The following CAMK2G variants were observed in gnomAD, a reference collection of about 807,000 sequenced individuals.
The protein encoded by CAMK2G is calcium/calmodulin-dependent protein kinase type II subunit gamma.
CAMK2G carries 23 observed loss-of-function variants against 88.7 expected under a neutral mutation model. The ratio of observed to expected loss-of-function variants is 0.26; its 90% CI spans 0.19 to 0.37. The LOEUF (loss-of-function observed/expected upper bound fraction) is 0.37, where lower values mean the gene tolerates loss of function less well. Ranked by LOEUF, CAMK2G falls within the 10% of genes least tolerant of loss-of-function variation. The pLI is 1.00. For missense variants in CAMK2G, 476 were observed against 780.8 expected (o/e 0.61, Z 4.65); for synonymous variants, 263 against 294.8 (o/e 0.89, Z 1.11).
rs772165449 is a variant in CAMK2G at position 73,839,504 on chromosome 10, G to T, written c.1009+35C>A. On this transcript the variant is annotated intron_variant, in intron 13 of 22. Coordinates refer to ENST00000423381, the MANE Select transcript of CAMK2G (RefSeq NM_001367534.1). This position sits in a 1 kb window ranked among gnomAD's most constrained non-coding sequence, Gnocchi z 4.2. The stretch of plus-strand genomic sequence containing the variant: ...CCTCCTGGTGGGGTGGCAGGGGGCC[G>T]AGGCAGGCGGTCGGGGAGGACTCAT... 1 of 1,209,130 alleles carries T rather than the reference G, an allele frequency of 8.3e-7. No homozygotes were observed. The highest frequency in any genetic ancestry group is 3.2e-5 in the East Asian group (1 of 31,544). The allele number at this position is 1,209,130 out of a possible 1,614,324, so 74.9% of individuals were successfully genotyped here. A position where few individuals can be genotyped will look rare whatever the true frequency, so the allele number is the denominator to read the frequency against.
rs911948942 is a variant in CAMK2G at position 73,873,199 on chromosome 10, A to G, written c.66-116T>C. ...ACCAGACCTCTAGTCACACTCACGT[A>G]CATGCACACACACCGGCGCTGTGAC... On this transcript the variant is annotated intron_variant, in intron 1 of 22. Coordinates refer to ENST00000423381, the MANE Select transcript of CAMK2G (RefSeq NM_001367534.1). 16 of 950,818 alleles carry G rather than the reference A, an allele frequency of 1.7e-5. No individual in the cohort carries two copies. In the East Asian group the frequency reaches 3.8e-4, roughly 23 times the overall value. The allele number at this position is 950,818 out of a possible 1,614,324, so 58.9% of individuals were successfully genotyped here. A position where few individuals can be genotyped will look rare whatever the true frequency, so the allele number is the denominator to read the frequency against.
intron 3 of CAMK2G, among the ~76,000 whole-genome samples, chr10:73,854,842 G>A (rs944933742): frequency 3.3e-5 from 5 of 152,020 alleles, no homozygotes; most frequent in Non-Finnish European, 5.9e-5. Flanking sequence ...TGCCAGGGCC[G>A]GAGCCAGGGC....
rs1379784269 is a variant in CAMK2G, at chr10:73,820,490, ATATTTTTTT to A, written c.1250-854_1250-846del. Among the ~76,000 whole-genome samples the A allele has an allele frequency of 2.7e-3, 141 of 53,154 alleles. 1 individual carries two copies. The highest frequency in any genetic ancestry group is 0.016 in the African/African-American group (123 of 7,928). 34.9% of individuals were successfully genotyped at this position (53,154 alleles called of 152,430 possible). A position where few individuals can be genotyped will look rare whatever the true frequency, so the allele number is the denominator to read the frequency against. ...TATATATATATATATATATATATAT[ATATTTTTTT>A]TTTTTTTTTTTTCTTGAGACAGAGT... On this transcript the variant is annotated intron_variant, in intron 18 of 22. Coordinates refer to ENST00000423381, the MANE Select transcript of CAMK2G (RefSeq NM_001367534.1).
rs531294206 is a variant in CAMK2G, at chr10:73,819,444, T to C, written c.1363+88A>G. The C allele has an allele frequency of 1.1e-4, 102 of 889,576 alleles. No individual in the cohort carries two copies. In the South Asian group the frequency reaches 1.4e-3, roughly 12 times the overall value. 55.1% of individuals were successfully genotyped at this position (889,576 alleles called of 1,614,324 possible). A position where few individuals can be genotyped will look rare whatever the true frequency, so the allele number is the denominator to read the frequency against. On this transcript the variant is annotated intron_variant, in intron 19 of 22. Coordinates refer to ENST00000423381, the MANE Select transcript of CAMK2G (RefSeq NM_001367534.1). ...GAGCTTACTACCACGGGCAGGTGGG[T>C]GGGACTGACAGCTGTGGTGGGGGTC...
intron 19 of CAMK2G, 176 bp from the exon 20 acceptor site, chr10:73,817,730 T>C: frequency 1.6e-6 from 1 of 606,506 alleles, no homozygotes; most frequent in African/African-American, 1.8e-5. Flanking sequence ...TCTCCCTCTC[T>C]GCAGTCTGCA....
chr10:73,842,595 C>T lies in CAMK2G; in HGVS notation c.820-54G>A. 1 of 1,298,166 alleles carries T rather than the reference C, an allele frequency of 7.7e-7. No homozygotes were observed. 80.4% of individuals were successfully genotyped at this position (1,298,166 alleles called of 1,614,324 possible). ...CCCAGCCCAGATCCTCTGCGCCTCCCACAGTCCTGGCACCGATACCATGCC... is the reference window on the plus strand; with the variant it reads ...CCCAGCCCAGATCCTCTGCGCCTCCTACAGTCCTGGCACCGATACCATGCC... On this transcript the variant is annotated intron_variant, in intron 10 of 22. Coordinates refer to ENST00000423381, the MANE Select transcript of CAMK2G (RefSeq NM_001367534.1). This position sits in a 1 kb window ranked among gnomAD's most constrained non-coding sequence, Gnocchi z 4.6.
intron 3 of CAMK2G, among the ~76,000 whole-genome samples, chr10:73,854,431 G>A (rs531758353): frequency 3.9e-5 from 6 of 152,292 alleles, no homozygotes; most frequent in South Asian, 2.1e-4. Flanking sequence ...ATGCAGAAAC[G>A]ACTCCGCTTT....
At chr10:73,873,706 C>G (rs1381191580) in intron 1 of CAMK2G, among the ~76,000 whole-genome samples, 2 of 124,496 alleles carry the variant, frequency 1.6e-5, no homozygotes, top group African/African-American at 6.1e-5. Context: ...AGCTCGCACT[C>G]TGAGCTCTGG....
At chr10:73,851,740 ATTTT>A (rs530803443) in intron 5 of CAMK2G, among the ~76,000 whole-genome samples, 2 of 63,124 alleles carry the variant, frequency 3.2e-5, no homozygotes, top group Non-Finnish European at 5.8e-5. Context: ...TTTGGAAGTG[ATTTT>A]TTTTGTGGGG....
Position 73,874,486 on chromosome 10 carries a change from G to C in CAMK2G, c.-25C>G, listed in dbSNP as rs951882266. On this transcript the variant is annotated 5_prime_UTR_variant, in exon 1 of 23. Coordinates refer to ENST00000423381, the MANE Select transcript of CAMK2G (RefSeq NM_001367534.1). ...TGCTGGCGGGCGGGCGGACGCGGCG[G>C]TGCAGCCCGCGCCGACGTCGGTGCA... is the stretch of plus-strand genomic sequence containing the variant. 1.4e-6 allele frequency: 2 copies of C among 1,467,514 alleles called. No individual in the cohort carries two copies. The highest frequency in any genetic ancestry group is 1.8e-6 in the Non-Finnish European group (2 of 1,097,638). The allele number at this position is 1,467,514 out of a possible 1,614,324, so 90.9% of individuals were successfully genotyped here.
chr10:73,844,487 A>G (rs763213052), intron 10 of CAMK2G, among the ~76,000 whole-genome samples: 4 of 152,156 alleles, frequency 2.6e-5, no homozygotes, highest in Non-Finnish European at 5.9e-5. Context: ...GGCTCACTGC[A>G]ACCTCCACCT....
At chr10:73,858,356 C>T (rs755874708) in intron 3 of CAMK2G, among the ~76,000 whole-genome samples, 1 of 152,202 alleles carries the variant, frequency 6.6e-6, no homozygotes. Flanking sequence ...TGAAGGACAG[C>T]GCAGTGGAGA....
chr10:73,859,444 A>G lies in CAMK2G; in HGVS notation c.220+1386T>C, dbSNP rs2664281. 3.5e-3 allele frequency among the ~76,000 whole-genome samples: 531 copies of G among 152,352 alleles called. 13 individuals are homozygous for G. In the East Asian group the frequency reaches 0.049, roughly 14 times the overall value. On this transcript the variant is annotated intron_variant, in intron 3 of 22. Transcript: ENST00000423381. ...TAATAAAAATATTTTTAGACCACTG[A>G]GTCAGCCAAGCAAAACATGCCTAAT...
rs2093555036 is a variant in CAMK2G at position 73,839,322 on chromosome 10, CT to C, written c.1009+216del. 6.6e-6 allele frequency among the ~76,000 whole-genome samples: 1 copy of C among 152,224 alleles called. No individual in the cohort carries two copies. Among genetic ancestry groups the C allele is most frequent in the African/African-American group, 2.4e-5 (1 of 41,464 alleles). ...CTCCATGCCCCCAGGCTACTGCCCC[CT>C]GAAAGTTGGCAAGCGCCCAGCATGC... is the stretch of plus-strand genomic sequence containing the variant. On this transcript the variant is annotated intron_variant, in intron 13 of 22. Coordinates refer to ENST00000423381, the MANE Select transcript of CAMK2G (RefSeq NM_001367534.1). The surrounding 1 kb of genome is among the most constrained non-coding windows in gnomAD (Gnocchi z 4.2).
chr10:73,857,455 C>T (rs143957832), intron 3 of CAMK2G, among the ~76,000 whole-genome samples: 2 of 152,314 alleles, frequency 1.3e-5, no homozygotes, highest in African/African-American at 4.8e-5. Flanking sequence ...GACTCCGAAG[C>T]CGCAAAACTT....
In CAMK2G at chr10:73,839,661, C is replaced by A. The variant is rs534546278; in HGVS notation, c.947-60G>T. ...CGCAAAGCCACGGGGCCGTCAGCAG[C>A]GAGCATGCCCCAGCGCGAGGCGCAG... On this transcript the variant is annotated intron_variant, in intron 12 of 22. Coordinates refer to ENST00000423381, the MANE Select transcript of CAMK2G (RefSeq NM_001367534.1). The surrounding 1 kb of genome is among the most constrained non-coding windows in gnomAD (Gnocchi z 4.2). The A allele has an allele frequency of 3.9e-5, 41 of 1,045,854 alleles. No homozygotes were observed. The African/African-American group carries it at 6.3e-4, about 16-fold the overall frequency. The allele number at this position is 1,045,854 out of a possible 1,614,324, so 64.8% of individuals were successfully genotyped here.
At chr10:73,833,943 G>T (rs2092879584) in intron 14 of CAMK2G, among the ~76,000 whole-genome samples, 1 of 117,408 alleles carries the variant, frequency 8.5e-6, no homozygotes, top group Admixed American at 9.9e-5. Flanking sequence ...TTTTGAGACG[G>T]AGTCTTGCTC....
chr10:73,820,752 AACCTCC>A (rs888179553), intron 18 of CAMK2G, among the ~76,000 whole-genome samples: 13 of 142,972 alleles, frequency 9.1e-5, no homozygotes, highest in African/African-American at 3.4e-4. Flanking sequence ...GGCTCACTGC[AACCTCC>A]ACCTCCCAGG....
At chr10:73,831,245 A>G (rs1054047055) in intron 14 of CAMK2G, among the ~76,000 whole-genome samples, 42 of 152,196 alleles carry the variant, frequency 2.8e-4, no homozygotes, top group Non-Finnish European at 2.9e-4. Flanking sequence ...CAGTCTTTTT[A>G]AAAAATGCAA....
Sources: gnomAD v4.1 joint callset for allele counts (sites outside exome capture counted in the v4.1 genomes callset) on GRCh38, gnomAD v4.1.1 for gene constraint, Gnocchi (gnomAD v3.1) non-coding constraint, MANE v1.5 for transcripts, NCBI Gene and HGNC (gene_info 2026-07-23, HGNC 2026-07-21) for gene names.